Variants in SULT4A1 observed in about 807,000 individuals in gnomAD.
The protein encoded by SULT4A1 is sulfotransferase family 4A member 1.
Under a neutral mutation model 35.2 loss-of-function variants are expected in SULT4A1, and 11 were observed. That is an observed-to-expected ratio of 0.31 (90% CI 0.20 to 0.52). The LOEUF (loss-of-function observed/expected upper bound fraction) is 0.52. Ranked by LOEUF, SULT4A1 falls within the 20% of genes least tolerant of loss-of-function variation. SULT4A1 has a pLI of 0.97. For missense variants in SULT4A1, 271 were observed against 383.7 expected, an observed-to-expected ratio of 0.71 and a Z score of 2.45; for synonymous variants, 152 against 151.8, an observed-to-expected ratio of 1.00 and a Z score of -0.01.
chr22:43,847,450 C>T (rs898080376), intron 1 of SULT4A1, among the ~76,000 whole-genome samples: 8 of 152,256 alleles, frequency 5.3e-5, no homozygotes, highest in Admixed American at 5.2e-4. Flanking sequence ...CCACTGGTCT[C>T]TCTCCATGCT....
chr22:43,844,359 G>A (rs983374980), intron 1 of SULT4A1, among the ~76,000 whole-genome samples: 1 of 152,184 alleles, frequency 6.6e-6, no homozygotes, highest in African/African-American at 2.4e-5. Context: ...GGGAGCTCGT[G>A]TGTGCTGAGG....
chr22:43,826,683 C>A, intron 6 of SULT4A1: 4 of 985,440 alleles, frequency 4.1e-6, no homozygotes, highest in Non-Finnish European at 4.8e-6. Flanking sequence ...GCCCTCCTGA[C>A]TGGGCCAAAG....
chr22:43,847,163 C>T (rs1234109014), intron 1 of SULT4A1, among the ~76,000 whole-genome samples: 2 of 152,100 alleles, frequency 1.3e-5, no homozygotes, highest in Non-Finnish European at 2.9e-5. Context: ...GAGAATTCAA[C>T]AGCAGGTCAA....
chr22:43,855,847 T>C (rs1182417489), intron 1 of SULT4A1, among the ~76,000 whole-genome samples: 2 of 152,124 alleles, frequency 1.3e-5, no homozygotes, highest in Non-Finnish European at 2.9e-5. Context: ...CTAGTTTCAC[T>C]CAACCAAGAT....
intron 4 of SULT4A1, among the ~76,000 whole-genome samples, chr22:43,836,440 G>A (rs548765554): frequency 1.6e-4 from 22 of 140,370 alleles, no homozygotes; most frequent in African/African-American, 4.1e-4. Flanking sequence ...TCTACACAGC[G>A]TCCTCACACT....
At chr22:43,831,469 G>A (rs961622155) in intron 5 of SULT4A1, among the ~76,000 whole-genome samples, 1 of 152,144 alleles carries the variant, frequency 6.6e-6, no homozygotes, top group Non-Finnish European at 1.5e-5. Context: ...TCCTGGGTAT[G>A]GGCCCGATAA....
At chr22:43,831,814 G>A (rs1267643835) in intron 5 of SULT4A1, among the ~76,000 whole-genome samples, 1 of 152,250 alleles carries the variant, frequency 6.6e-6, no homozygotes, top group Non-Finnish European at 1.5e-5. Context: ...CAAGAAGCTG[G>A]AATGTTCTGG....
At chr22:43,851,933 G>A (rs185835901) in intron 1 of SULT4A1, among the ~76,000 whole-genome samples, 4 of 152,330 alleles carry the variant, frequency 2.6e-5, no homozygotes, top group Admixed American at 2.0e-4. Flanking sequence ...CGCCTGCCCA[G>A]TGAGACAGCA....
At chr22:43,861,576 C>G (rs1344315418) in intron 1 of SULT4A1, among the ~76,000 whole-genome samples, 1 of 152,218 alleles carries the variant, frequency 6.6e-6, no homozygotes, top group Non-Finnish European at 1.5e-5. Flanking sequence ...CTAGCTCACA[C>G]AGCTGTTATT....
At chr22:43,840,278 A>G (rs1160081764) in intron 2 of SULT4A1, among the ~76,000 whole-genome samples, 2 of 142,088 alleles carry the variant, frequency 1.4e-5, no homozygotes, top group Non-Finnish European at 3.1e-5. Context: ...GGTGGGGGCC[A>G]GGGGAGAACG....
chr22:43,831,993 T>C (rs1347237138), intron 5 of SULT4A1, among the ~76,000 whole-genome samples: 1 of 152,200 alleles, frequency 6.6e-6, no homozygotes, highest in Non-Finnish European at 1.5e-5. Flanking sequence ...AGCCACACAG[T>C]GACGGGGGTG....
intron 1 of SULT4A1, among the ~76,000 whole-genome samples, chr22:43,859,932 G>A (rs773147081): frequency 3.3e-5 from 5 of 152,198 alleles, no homozygotes; most frequent in Admixed American, 6.5e-5. Context: ...GTCCTAACCC[G>A]CCATCTAAGC....
chr22:43,828,240 G>A (rs566198837), intron 6 of SULT4A1, among the ~76,000 whole-genome samples: 4 of 152,310 alleles, frequency 2.6e-5, no homozygotes, highest in Admixed American at 2.0e-4. Flanking sequence ...CACACCAAGT[G>A]TCCATCAGGT....
In SULT4A1 at chr22:43,839,086, C is replaced by T. The variant is rs2063402241; in HGVS notation, c.382-93G>A. 3.3e-6 allele frequency: 5 copies of T among 1,530,732 alleles called. No individual in the cohort carries two copies. In the South Asian group the frequency reaches 3.5e-5, roughly 11 times the overall value. The allele number at this position is 1,530,732 out of a possible 1,614,324, so 94.8% of individuals were successfully genotyped here. A position where few individuals can be genotyped will look rare whatever the true frequency, so the allele number is the denominator to read the frequency against. ...GCCAGCCTCCCTGAACCTGCTGGTG[C>T]ACCTCACAAACCAACACCTGCTTCC... On this transcript the variant is annotated intron_variant, in intron 3 of 6. Coordinates refer to ENST00000330884, the MANE Select transcript of SULT4A1 (RefSeq NM_014351.4).
At chr22:43,847,758 C>CA (rs1380201845) in intron 1 of SULT4A1, among the ~76,000 whole-genome samples, 1 of 152,236 alleles carries the variant, frequency 6.6e-6, no homozygotes, top group Non-Finnish European at 1.5e-5. Flanking sequence ...TGCCTGGTCC[C>CA]ACAGAGCCCT....
chr22:43,826,524 G>T (rs911306183), intron 6 of SULT4A1: 1 of 985,384 alleles, frequency 1.0e-6, no homozygotes, highest in Admixed American at 6.1e-5. Context: ...GGAGTGCACT[G>T]CTCTGGGCAT....
At chr22:43,849,343 A>G (rs982755284) in intron 1 of SULT4A1, among the ~76,000 whole-genome samples, 1 of 152,174 alleles carries the variant, frequency 6.6e-6, no homozygotes, top group African/African-American at 2.4e-5. Flanking sequence ...TCCCACCCTC[A>G]AGCCAAAAGG....
At chr22:43,850,982 C>CT (rs1194203948) in intron 1 of SULT4A1, among the ~76,000 whole-genome samples, 1 of 152,158 alleles carries the variant, frequency 6.6e-6, no homozygotes, top group East Asian at 1.9e-4. Flanking sequence ...TTATTGAGCT[C>CT]TGAACATTCT....
At chr22:43,834,113 G>C (rs1028201940) in intron 4 of SULT4A1, among the ~76,000 whole-genome samples, 13 of 152,194 alleles carry the variant, frequency 8.5e-5, no homozygotes, top group African/African-American at 1.4e-4. Context: ...GGGACAGGGT[G>C]GGGTATAGGA....
Sources: allele counts gnomAD v4.1 joint callset (sites outside exome capture counted in the v4.1 genomes callset), GRCh38; gene constraint gnomAD v4.1.1; transcripts MANE v1.5; gene names NCBI Gene and HGNC (gene_info 2026-07-23, HGNC 2026-07-21).